Variants in IQCJ observed in about 807,000 individuals in gnomAD.
IQCJ encodes the protein IQ domain-containing protein J.
A neutral mutation model predicts 11.0 loss-of-function variants in IQCJ; 9 were observed. The observed-to-expected ratio is 0.82, with a 90% CI of 0.49 to 1.43. The LOEUF is 1.43. IQCJ is among the 40% of genes most tolerant of loss of function. The pLI, the probability that IQCJ is intolerant of heterozygous loss-of-function variation, is 0.00. For missense variants in IQCJ, 146 were observed against 133.2 expected, an observed-to-expected ratio of 1.10 and a Z score of -0.47; for synonymous variants, 55 against 51.3, an observed-to-expected ratio of 1.07 and a Z score of -0.31.
intron 1 of IQCJ, among the ~76,000 whole-genome samples, chr3:159,155,718 G>C (rs1721480777): frequency 6.6e-6 from 1 of 152,098 alleles, no homozygotes; most frequent in South Asian, 2.1e-4. Context: ...ATTTCAATTA[G>C]CCTTTTTAAA....
At chr3:159,249,902 TACACACACAC>T (rs10567080) in intron 2 of IQCJ, among the ~76,000 whole-genome samples, 1 of 150,518 alleles carries the variant, frequency 6.6e-6, no homozygotes, top group Non-Finnish European at 1.5e-5. Context: ...TGCATTTGTG[TACACACACAC>T]ACACACACAC....
chr3:159,180,829 C>T lies in IQCJ; in HGVS notation c.10-65014C>T, dbSNP rs1038605733. ...ATTAATACACTACAACATTTGGATG[C>T]ATTTCCTTCTAGTCTTTTTTCTAGA... On this transcript the variant is annotated intron_variant, in intron 1 of 3. Coordinates refer to ENST00000397832, the MANE Select transcript of IQCJ (RefSeq NM_001042706.3). Among the ~76,000 whole-genome samples the T allele has an allele frequency of 2.6e-5, 4 of 151,934 alleles. 1 individual carries two copies. The highest frequency in any genetic ancestry group is 9.7e-5 in the African/African-American group (4 of 41,232).
At chr3:159,077,918 G>T (rs1217080097) in intron 1 of IQCJ, among the ~76,000 whole-genome samples, 2 of 151,940 alleles carry the variant, frequency 1.3e-5, no homozygotes, top group African/African-American at 4.8e-5. Flanking sequence ...CCTAAGCCTT[G>T]ATGTAATATT....
intron 1 of IQCJ, among the ~76,000 whole-genome samples, chr3:159,150,642 GT>G (rs2108201040): frequency 6.6e-6 from 1 of 151,944 alleles, no homozygotes; most frequent in Non-Finnish European, 1.5e-5. Context: ...GCTTCTGTAG[GT>G]TGAGGGTAAG....
chr3:159,147,674 A>T (rs1013001443), intron 1 of IQCJ, among the ~76,000 whole-genome samples: 2 of 152,234 alleles, frequency 1.3e-5, no homozygotes, highest in Non-Finnish European at 2.9e-5. Context: ...TTAATATTAC[A>T]AAGCAATTAC....
intron 1 of IQCJ, among the ~76,000 whole-genome samples, chr3:159,077,833 A>G (rs927009135): frequency 8.5e-5 from 13 of 152,116 alleles, no homozygotes; most frequent in Non-Finnish European, 1.8e-4. Flanking sequence ...AAAATAGTCA[A>G]TAAAAAATTC....
intron 1 of IQCJ, among the ~76,000 whole-genome samples, chr3:159,103,197 G>A (rs556897658): frequency 3.0e-4 from 45 of 152,226 alleles, no homozygotes; most frequent in Admixed American, 2.1e-3. Context: ...TAGTATAAAC[G>A]TAATGTTTAA....
At chr3:159,147,115 G>A (rs1182479391) in intron 1 of IQCJ, among the ~76,000 whole-genome samples, 1 of 152,162 alleles carries the variant, frequency 6.6e-6, no homozygotes, top group Non-Finnish European at 1.5e-5. Context: ...ATATGCCAAT[G>A]TAGAATTTAT....
At position 159,262,556 on chromosome 3, in the gene IQCJ, G is replaced by A; in HGVS notation, c.164G>A (p.Arg55Gln). 1.9e-6 allele frequency: 3 copies of A among 1,612,928 alleles called. No homozygotes were observed. Among genetic ancestry groups the A allele is most frequent in the Non-Finnish European group, 2.5e-6 (3 of 1,179,320 alleles). Residue 55 changes from arginine (R) to glutamine (Q), a missense_variant, in exon 4 of 4, where the codon CGA (arginine) becomes CAA (glutamine). Physicochemically the swap from Arg to Gln is conservative, Grantham distance 43. Coordinates refer to ENST00000397832, the MANE Select transcript of IQCJ (RefSeq NM_001042706.3). ...PLESKVKIIQ[R>Q]AWREYLQRQE... ...TTGTTTTGTTTTTTCAGCATTCAGC[G>A]AGCATGGCGAGAGTACCTGCAGCGG... is the stretch of plus-strand genomic sequence containing the variant.
chr3:159,236,147 T>A (rs1019120365), intron 1 of IQCJ, among the ~76,000 whole-genome samples: 5 of 152,130 alleles, frequency 3.3e-5, no homozygotes, highest in Non-Finnish European at 1.5e-5. Context: ...ATTTGCCATT[T>A]TTTTCCTCCT....
intron 3 of IQCJ, among the ~76,000 whole-genome samples, chr3:159,255,646 T>C (rs1727856087): frequency 6.6e-6 from 1 of 152,020 alleles, no homozygotes. Flanking sequence ...TGTATCAAAG[T>C]TGAAGGGAGT....
chr3:159,155,952 G>A (rs1721495941), intron 1 of IQCJ, among the ~76,000 whole-genome samples: 1 of 152,202 alleles, frequency 6.6e-6, no homozygotes, highest in Non-Finnish European at 1.5e-5. Context: ...TTCTGAGGTA[G>A]TGAAATTTGG....
intron 1 of IQCJ, among the ~76,000 whole-genome samples, chr3:159,070,980 C>T (rs964797701): frequency 4.0e-5 from 6 of 151,894 alleles, no homozygotes; most frequent in African/African-American, 1.4e-4. Context: ...ATTTACTTCG[C>T]ATTGTGGACA....
chr3:159,248,455 G>GT (rs1347866682), intron 2 of IQCJ, among the ~76,000 whole-genome samples: 1 of 152,200 alleles, frequency 6.6e-6, no homozygotes, highest in Non-Finnish European at 1.5e-5. Context: ...ATAGCTATAT[G>GT]TAAACAATAA....
chr3:159,142,649 G>T (rs572523249), intron 1 of IQCJ, among the ~76,000 whole-genome samples: 1 of 151,948 alleles, frequency 6.6e-6, no homozygotes, highest in Non-Finnish European at 1.5e-5. Context: ...AACTCCTGAC[G>T]TCAGGTGATC....
At chr3:159,234,852 A>C (rs1726483263) in intron 1 of IQCJ, among the ~76,000 whole-genome samples, 1 of 152,140 alleles carries the variant, frequency 6.6e-6, no homozygotes, top group African/African-American at 2.4e-5. Flanking sequence ...CACTTAGTAA[A>C]TACATAAGAA....
At chr3:159,237,583 A>T (rs1726668990) in intron 1 of IQCJ, among the ~76,000 whole-genome samples, 1 of 152,236 alleles carries the variant, frequency 6.6e-6, no homozygotes. Flanking sequence ...TTCCTTTGCC[A>T]CTCATAACAC....
chr3:159,103,188 A>T (rs900876700), intron 1 of IQCJ, among the ~76,000 whole-genome samples: 1 of 152,240 alleles, frequency 6.6e-6, no homozygotes, highest in African/African-American at 2.4e-5. Flanking sequence ...TTTACAAATT[A>T]GTATAAACGT....
intron 1 of IQCJ, among the ~76,000 whole-genome samples, chr3:159,118,672 C>A (rs1273796571): frequency 1.3e-5 from 2 of 152,158 alleles, no homozygotes; most frequent in East Asian, 3.8e-4. Context: ...CTGCTCTTAC[C>A]CCGACCTCAG....
Sources: allele counts gnomAD v4.1 joint callset (sites outside exome capture counted in the v4.1 genomes callset), GRCh38; gene constraint gnomAD v4.1.1; transcripts MANE v1.5; gene names NCBI Gene and HGNC (gene_info 2026-07-23, HGNC 2026-07-21).